The following RBFOX1 variants were observed in gnomAD, a reference collection of about 807,000 sequenced individuals.
RBFOX1 encodes RNA binding fox-1 homolog 1, also known as RNA binding protein fox-1 homolog 1.
Under a neutral mutation model 57.7 loss-of-function variants are expected in RBFOX1, and 8 were observed. The ratio of observed to expected loss-of-function variants is 0.14; its 90% CI spans 0.08 to 0.25. RBFOX1 has a LOEUF of 0.25. RBFOX1 is among the 10% of genes least tolerant of loss of function. RBFOX1 has a pLI of 1.00. For missense variants in RBFOX1, 611 were observed against 548.5 expected (o/e 1.11, Z -1.14); for synonymous variants, 326 against 222.4 (o/e 1.47, Z -4.15).
At chr16:7,390,913 A>G (rs1423307435) in intron 4 of RBFOX1, among the ~76,000 whole-genome samples, 2 of 152,162 alleles carry the variant, frequency 1.3e-5, no homozygotes, top group Non-Finnish European at 2.9e-5. Context: ...ATGGAATAAA[A>G]AAAGATCCAG....
chr16:7,469,968 A>T (rs1371420046), intron 4 of RBFOX1, among the ~76,000 whole-genome samples: 1 of 151,276 alleles, frequency 6.6e-6, no homozygotes, highest in Non-Finnish European at 1.5e-5. Flanking sequence ...CTCTTAGCAT[A>T]ACGTCTTCAA....
chr16:5,529,988 C>A (rs2044401288), intron 2 of RBFOX1, among the ~76,000 whole-genome samples: 1 of 152,142 alleles, frequency 6.6e-6, no homozygotes, highest in Non-Finnish European at 1.5e-5. Context: ...AAGAGGCACA[C>A]AACAGATTCT....
chr16:6,329,278 C>A (rs2082730971), intron 2 of RBFOX1, among the ~76,000 whole-genome samples: 1 of 152,170 alleles, frequency 6.6e-6, no homozygotes, highest in Non-Finnish European at 1.5e-5. Context: ...TTACAAGCAT[C>A]ACCTCATTTC....
intron 4 of RBFOX1, among the ~76,000 whole-genome samples, chr16:7,096,562 C>G (rs1599382829): frequency 6.6e-6 from 1 of 152,204 alleles, no homozygotes; most frequent in Non-Finnish European, 1.5e-5. Context: ...ACCCCTGAAC[C>G]CATCCCTGAT....
intron 1 of RBFOX1, among the ~76,000 whole-genome samples, chr16:6,307,012 C>T (rs1209975519): frequency 6.6e-6 from 1 of 152,186 alleles, no homozygotes; most frequent in African/African-American, 2.4e-5. Context: ...AACTAGACAA[C>T]ATCTCTATTT....
intron 3 of RBFOX1, among the ~76,000 whole-genome samples, chr16:6,932,684 C>G (rs2076757439): frequency 6.6e-6 from 1 of 152,166 alleles, no homozygotes; most frequent in Non-Finnish European, 1.5e-5. Flanking sequence ...TGCTCAAACA[C>G]ATGTCTCTAC....
At chr16:6,547,984 T>G (rs1258762671) in intron 2 of RBFOX1, among the ~76,000 whole-genome samples, 1 of 152,220 alleles carries the variant, frequency 6.6e-6, no homozygotes, top group Non-Finnish European at 1.5e-5. Flanking sequence ...GGATGTACAC[T>G]GAAAGTCCTT....
chr16:7,208,380 G>A (rs1285244908), intron 4 of RBFOX1, among the ~76,000 whole-genome samples: 1 of 152,178 alleles, frequency 6.6e-6, no homozygotes, highest in African/African-American at 2.4e-5. Context: ...TTTGGCTTAT[G>A]GTTCTGCAGG....
chr16:7,538,234 G>A (rs922825663), intron 5 of RBFOX1, among the ~76,000 whole-genome samples: 1 of 152,106 alleles, frequency 6.6e-6, no homozygotes, highest in African/African-American at 2.4e-5. Flanking sequence ...CACTTGAATG[G>A]TTTTCTTTCA....
intron 3 of RBFOX1, among the ~76,000 whole-genome samples, chr16:7,012,259 C>T (rs1374816077): frequency 6.6e-6 from 1 of 152,140 alleles, no homozygotes; most frequent in African/African-American, 2.4e-5. Flanking sequence ...GAAATTTTCC[C>T]AGTTTTAAAG....
chr16:5,690,286 C>G (rs1355777552), intron 3 of RBFOX1, among the ~76,000 whole-genome samples: 1 of 152,196 alleles, frequency 6.6e-6, no homozygotes. Context: ...CAAAGTGCTT[C>G]TGTATGATGG....
chr16:5,402,519 C>A (rs1426258844), intron 1 of RBFOX1, among the ~76,000 whole-genome samples: 1 of 152,196 alleles, frequency 6.6e-6, no homozygotes, highest in Non-Finnish European at 1.5e-5. Flanking sequence ...AGGCTACTGT[C>A]TTCCTTTTGT....
At chr16:5,677,736 G>C (rs2050210227) in intron 3 of RBFOX1, among the ~76,000 whole-genome samples, 1 of 152,212 alleles carries the variant, frequency 6.6e-6, no homozygotes, top group Non-Finnish European at 1.5e-5. Flanking sequence ...CAGAAGGTGA[G>C]TAGCAGTTAG....
intron 4 of RBFOX1, among the ~76,000 whole-genome samples, chr16:7,109,498 G>C (rs2064245179): frequency 6.6e-6 from 1 of 152,108 alleles, no homozygotes. Flanking sequence ...TTGGGCCCTT[G>C]TGATCCAGGT....
intron 4 of RBFOX1, among the ~76,000 whole-genome samples, chr16:5,902,940 C>G (rs1292886241): frequency 6.6e-6 from 1 of 152,168 alleles, no homozygotes; most frequent in African/African-American, 2.4e-5. Flanking sequence ...TAACCTTGCC[C>G]TTGTCTCTAC....
intron 4 of RBFOX1, among the ~76,000 whole-genome samples, chr16:7,357,434 A>C (rs1596355591): frequency 6.6e-6 from 1 of 152,192 alleles, no homozygotes; most frequent in East Asian, 1.9e-4. Flanking sequence ...CATGAATTGC[A>C]GTGGAACCAT....
At chr16:5,333,049 G>A (rs1164662164) in intron 1 of RBFOX1, among the ~76,000 whole-genome samples, 7 of 152,124 alleles carry the variant, frequency 4.6e-5, no homozygotes. Flanking sequence ...TTAGCCGGGT[G>A]TGGTGGTGGG....
intron 3 of RBFOX1, among the ~76,000 whole-genome samples, chr16:6,894,355 C>A (rs2066246840): frequency 2.0e-5 from 3 of 150,674 alleles, no homozygotes; most frequent in Middle Eastern, 6.8e-3. Flanking sequence ...CTTTGACAGT[C>A]AGTCTCATGG....
intron 1 of RBFOX1, among the ~76,000 whole-genome samples, chr16:5,373,400 C>G (rs1235899835): frequency 1.3e-5 from 2 of 152,088 alleles, no homozygotes; most frequent in Non-Finnish European, 2.9e-5. Flanking sequence ...CCCCCTTGCT[C>G]TTCTTGTGAT....
Sources: allele counts gnomAD v4.1 joint callset (sites outside exome capture counted in the v4.1 genomes callset), GRCh38; gene constraint gnomAD v4.1.1; transcripts MANE v1.5; gene names NCBI Gene and HGNC (gene_info 2026-07-23, HGNC 2026-07-21).